The following NRP1 variants were observed in gnomAD, a reference collection of about 807,000 sequenced individuals.
NRP1 encodes neuropilin-1.
In NRP1, 35 loss-of-function variants were observed where a neutral mutation model predicts 106.7. That is an observed-to-expected ratio of 0.33 (90% CI 0.25 to 0.43). The LOEUF (loss-of-function observed/expected upper bound fraction) is 0.43. Ranked by LOEUF, NRP1 falls within the 20% of genes least tolerant of loss-of-function variation. NRP1 has a pLI of 1.00. For missense variants in NRP1, 1,024 were observed against 1,170.4 expected (o/e 0.87, Z 1.83); for synonymous variants, 437 against 417.9 (o/e 1.05, Z -0.56).
intron 5 of NRP1, among the ~76,000 whole-genome samples, chr10:33,255,642 G>A (rs1842146195): frequency 6.6e-6 from 1 of 152,118 alleles, no homozygotes; most frequent in African/African-American, 2.4e-5. Flanking sequence ...AGTAGAGTCA[G>A]GTTCGCATTA....
At chr10:33,301,174 T>C (rs573389243) in intron 2 of NRP1, among the ~76,000 whole-genome samples, 17 of 152,284 alleles carry the variant, frequency 1.1e-4, no homozygotes, top group African/African-American at 4.1e-4. Context: ...ATGCCTGCAG[T>C]CCAGAGGAGC....
chr10:33,331,764 T>G (rs541594647), intron 1 of NRP1, among the ~76,000 whole-genome samples: 1 of 152,266 alleles, frequency 6.6e-6, no homozygotes, highest in East Asian at 1.9e-4. Context: ...GCCTATATTG[T>G]TCAGCATAGA....
intron 10 of NRP1, 152 bp from the exon 11 acceptor site, chr10:33,203,147 A>G (rs1837477448): frequency 1.4e-6 from 1 of 708,298 alleles, no homozygotes; most frequent in Non-Finnish European, 2.3e-6. Flanking sequence ...AGCTAGATAT[A>G]CTTGGATTCT....
intron 2 of NRP1, among the ~76,000 whole-genome samples, chr10:33,298,146 G>C (rs1483062143): frequency 6.6e-6 from 1 of 152,162 alleles, no homozygotes; most frequent in African/African-American, 2.4e-5. Flanking sequence ...GAACTTGCAA[G>C]AAAGCATATA....
At chr10:33,314,058 TCC>T (rs1846826434) in intron 2 of NRP1, among the ~76,000 whole-genome samples, 1 of 128,454 alleles carries the variant, frequency 7.8e-6, no homozygotes, top group Non-Finnish European at 1.6e-5. Flanking sequence ...TTCTTTCTAT[TCC>T]TCCCTCCCTC....
At chr10:33,293,797 T>G (rs546798261) in intron 2 of NRP1, among the ~76,000 whole-genome samples, 6 of 152,336 alleles carry the variant, frequency 3.9e-5, no homozygotes, top group South Asian at 4.1e-4. Flanking sequence ...CTTAGCTGAT[T>G]TGCATAAGAA....
intron 8 of NRP1, among the ~76,000 whole-genome samples, chr10:33,219,133 T>C (rs1588753828): frequency 6.6e-6 from 1 of 152,220 alleles, no homozygotes; most frequent in Non-Finnish European, 1.5e-5. Flanking sequence ...GTTCAATATA[T>C]TGAGTGCCAT....
chr10:33,204,687 C>T (rs1466725469), intron 10 of NRP1, among the ~76,000 whole-genome samples: 2 of 152,060 alleles, frequency 1.3e-5, no homozygotes, highest in African/African-American at 2.4e-5. Flanking sequence ...TATGTATGTT[C>T]CAGTTTTACT....
At chr10:33,184,357 ATATGG>A (rs1835876891) in intron 15 of NRP1, among the ~76,000 whole-genome samples, 1 of 152,210 alleles carries the variant, frequency 6.6e-6, no homozygotes, top group South Asian at 2.1e-4. Context: ...GCTGCTTTGC[ATATGG>A]TATGTAGTCA....
intron 2 of NRP1, among the ~76,000 whole-genome samples, chr10:33,287,253 C>T (rs1043194396): frequency 6.6e-6 from 1 of 152,110 alleles, no homozygotes; most frequent in Non-Finnish European, 1.5e-5. Flanking sequence ...TTCAAAAATA[C>T]TTTCTCATTA....
intron 6 of NRP1, among the ~76,000 whole-genome samples, chr10:33,240,731 G>T (rs1295061700): frequency 6.6e-6 from 1 of 152,180 alleles, no homozygotes; most frequent in Non-Finnish European, 1.5e-5. Context: ...TAAAAATCCT[G>T]CAAGGAGCTG....
At chr10:33,273,047 C>T (rs1237234086) in intron 2 of NRP1, among the ~76,000 whole-genome samples, 1 of 127,030 alleles carries the variant, frequency 7.9e-6, no homozygotes, top group African/African-American at 3.1e-5. Flanking sequence ...AGGCGCTCCT[C>T]TTGGCAAAAG....
chr10:33,230,982 C>A (rs1373913394), intron 6 of NRP1, among the ~76,000 whole-genome samples: 1 of 152,030 alleles, frequency 6.6e-6, no homozygotes, highest in Non-Finnish European at 1.5e-5. Context: ...TTCAATCTAC[C>A]TTTTTAGCCT....
chr10:33,283,558 A>G (rs984318065), intron 2 of NRP1, among the ~76,000 whole-genome samples: 2 of 152,248 alleles, frequency 1.3e-5, no homozygotes, highest in Non-Finnish European at 2.9e-5. Context: ...GTATCTGACA[A>G]CATGTGAAAA....
intron 6 of NRP1, among the ~76,000 whole-genome samples, chr10:33,251,427 T>C (rs1841848730): frequency 6.6e-6 from 1 of 152,164 alleles, no homozygotes. Context: ...GCAGGCAACA[T>C]TTCAGAGGAC....
In NRP1 at chr10:33,199,367, CTATATA is replaced by C. The variant is rs1413431395; in HGVS notation, c.1865-1664_1865-1659del. Among the ~76,000 whole-genome samples the C allele has an allele frequency of 1.2e-3, 63 of 54,290 alleles. 6 individuals carry two copies. In the East Asian group the frequency reaches 0.015, roughly 13 times the overall value. The allele number at this position is 54,290 out of a possible 152,430, so 35.6% of individuals were successfully genotyped here. A position where few individuals can be genotyped will look rare whatever the true frequency, so the allele number is the denominator to read the frequency against. ...GTGCGCCACCATGCCTGGCTGTTTT[CTATATA>C]TATATATATATATATATTTTTTTTT... On this transcript the variant is annotated intron_variant, in intron 11 of 16. Coordinates refer to ENST00000374867, the MANE Select transcript of NRP1 (RefSeq NM_003873.7).
chr10:33,247,601 T>C lies in NRP1; in HGVS notation c.981+6427A>G, dbSNP rs192755496. Among the ~76,000 whole-genome samples, 469 of 152,332 alleles carry C rather than the reference T, an allele frequency of 3.1e-3. 8 individuals carry two copies. The highest frequency in any genetic ancestry group is 0.025 in the Admixed American group (380 of 15,294). On this transcript the variant is annotated intron_variant, in intron 6 of 16. Transcript: ENST00000374867. ...TTAGGCCTGATGCCAGGATTAGTTA[T>C]GTTTCTCCGAATAGCTGGCATGAGA...
At position 33,252,442 on chromosome 10, in the gene NRP1, G is replaced by T. The variant is rs1331242671; in HGVS notation, c.981+1586C>A. On this transcript the variant is annotated intron_variant, in intron 6 of 16. Coordinates refer to ENST00000374867, the MANE Select transcript of NRP1 (RefSeq NM_003873.7). ...AGCACCTGTAACACGCGCCCACTGG[G>T]GCTGCGGCTGTAAACATTCAGCCTT... Among the ~76,000 whole-genome samples, 16 of 152,154 alleles carry T rather than the reference G, an allele frequency of 1.1e-4. 1 individual carries two copies.
At chr10:33,266,376 T>C (rs1842917408) in intron 3 of NRP1, among the ~76,000 whole-genome samples, 1 of 152,200 alleles carries the variant, frequency 6.6e-6, no homozygotes, top group African/African-American at 2.4e-5. Context: ...TCACCCGCTG[T>C]GTAAACTTGG....
Sources: allele counts gnomAD v4.1 joint callset (sites outside exome capture counted in the v4.1 genomes callset), GRCh38; gene constraint gnomAD v4.1.1; transcripts MANE v1.5; gene names NCBI Gene and HGNC (gene_info 2026-07-23, HGNC 2026-07-21).